SNX7: variants seen among roughly 807,000 people sequenced by gnomAD.
SNX7 encodes sorting nexin 7.
Under a neutral mutation model 48.4 loss-of-function variants are expected in SNX7, and 35 were observed. The observed-to-expected ratio is 0.72, with a 90% confidence interval of 0.55 to 0.96. SNX7 has a LOEUF of 0.96. Among genes scored for constraint, SNX7 ranks in the 40% least tolerant of loss-of-function variants. SNX7 has a pLI of 0.00. For missense variants in SNX7, 553 were observed against 548.9 expected (o/e 1.01, Z -0.07); for synonymous variants, 190 against 190.2 (o/e 1.00, Z 0.01).
At chr1:98,741,747 T>C (rs1413694443) in intron 8 of SNX7, among the ~76,000 whole-genome samples, 1 of 152,064 alleles carries the variant, frequency 6.6e-6, no homozygotes, top group Non-Finnish European at 1.5e-5. Flanking sequence ...GCATGGATAT[T>C]TCCTAACTTT....
At chr1:98,745,306 A>C (rs1654259929) in intron 8 of SNX7, among the ~76,000 whole-genome samples, 1 of 152,024 alleles carries the variant, frequency 6.6e-6, no homozygotes, top group Admixed American at 6.6e-5. Flanking sequence ...TTTAAAGTTA[A>C]ATTCTCTTTC....
intron 8 of SNX7, among the ~76,000 whole-genome samples, chr1:98,739,179 C>T (rs1653944343): frequency 6.6e-6 from 1 of 152,026 alleles, no homozygotes; most frequent in South Asian, 2.1e-4. Flanking sequence ...ATGCGCAGTT[C>T]ACAATAGCGT....
At chr1:98,685,777 A>G (rs1039363580) in intron 2 of SNX7, among the ~76,000 whole-genome samples, 3 of 152,122 alleles carry the variant, frequency 2.0e-5, no homozygotes, top group African/African-American at 7.2e-5. Context: ...GTTCTGAACT[A>G]TGTTTCTATA....
chr1:98,720,511 C>T (rs1048169055), intron 7 of SNX7, among the ~76,000 whole-genome samples: 9 of 152,010 alleles, frequency 5.9e-5, no homozygotes, highest in Admixed American at 3.3e-4. Context: ...TTTGAGTGAA[C>T]CCCTAATTTT....
intron 1 of SNX7, among the ~76,000 whole-genome samples, chr1:98,666,129 A>T (rs577964542): frequency 6.6e-6 from 1 of 152,192 alleles, no homozygotes; most frequent in Non-Finnish European, 1.5e-5. Flanking sequence ...TTGTGTGCCT[A>T]TATCAGTCAT....
intron 7 of SNX7, among the ~76,000 whole-genome samples, chr1:98,711,388 G>A (rs1212649880): frequency 6.6e-6 from 1 of 152,032 alleles, no homozygotes; most frequent in African/African-American, 2.4e-5. Flanking sequence ...AGCACATTTG[G>A]ATATATTAAA....
At chr1:98,678,884 A>G (rs1650320676) in intron 1 of SNX7, among the ~76,000 whole-genome samples, 1 of 152,216 alleles carries the variant, frequency 6.6e-6, no homozygotes. Context: ...AAAATAAAAA[A>G]TAGCAGTATA....
At chr1:98,667,481 A>G (rs761968941) in intron 1 of SNX7, among the ~76,000 whole-genome samples, 1 of 151,964 alleles carries the variant, frequency 6.6e-6, no homozygotes, top group Non-Finnish European at 1.5e-5. Context: ...GGCTCAAGCT[A>G]TCCTCCTACC....
chr1:98,672,092 T>A (rs1187585674), intron 1 of SNX7, among the ~76,000 whole-genome samples: 1 of 152,178 alleles, frequency 6.6e-6, no homozygotes, highest in Non-Finnish European at 1.5e-5. Flanking sequence ...AATTGAACAC[T>A]GAATACTCTC....
At chr1:98,687,182 AT>A (rs1468908745) in intron 2 of SNX7, among the ~76,000 whole-genome samples, 1 of 152,140 alleles carries the variant, frequency 6.6e-6, no homozygotes, top group Non-Finnish European at 1.5e-5. Context: ...ATTTACCCCC[AT>A]TTCATGCACG....
intron 8 of SNX7, among the ~76,000 whole-genome samples, chr1:98,741,524 G>A (rs1430225899): frequency 1.3e-5 from 2 of 152,128 alleles, no homozygotes; most frequent in African/African-American, 2.4e-5. Flanking sequence ...GTAAAATGAT[G>A]TTGTTCCCAT....
Position 98,691,935 on chromosome 1 carries a change from ACACTCTCT to A in SNX7, c.639+238_639+245del, listed in dbSNP as rs1219244601. Among the ~76,000 whole-genome samples, 200 of 87,378 alleles carry A rather than the reference ACACTCTCT, an allele frequency of 2.3e-3. 1 individual carries two copies. The highest frequency in any genetic ancestry group is 8.8e-3 in the African/African-American group (190 of 21,572). 57.3% of individuals were successfully genotyped at this position (87,378 alleles called of 152,430 possible). A position where few individuals can be genotyped will look rare whatever the true frequency, so the allele number is the denominator to read the frequency against. On this transcript the variant is annotated intron_variant, in intron 4 of 8. Transcript: ENST00000306121. ...TATATACACACACACACACACACAC[ACACTCTCT>A]CTCTCTCTCTCTCTCTCTCTCTCTA...
chr1:98,691,347 TTA>T (rs1491121098), intron 3 of SNX7, among the ~76,000 whole-genome samples, 162 bp downstream of exon 3: 3 of 152,008 alleles, frequency 2.0e-5, no homozygotes, highest in South Asian at 2.1e-4. Flanking sequence ...CATTTTTTTT[TTA>T]AAAAAAACTC....
chr1:98,758,284 T>C (rs1302226168), intron 8 of SNX7, among the ~76,000 whole-genome samples: 2 of 152,056 alleles, frequency 1.3e-5, no homozygotes, highest in Non-Finnish European at 2.9e-5. Context: ...GACATTTGGA[T>C]ACACTTAAAG....
At chr1:98,734,014 A>C (rs180928164) in intron 7 of SNX7, among the ~76,000 whole-genome samples, 1 of 152,104 alleles carries the variant, frequency 6.6e-6, no homozygotes, top group Non-Finnish European at 1.5e-5. Context: ...AGTCTCTAAT[A>C]TGCATTTGCA....
intron 7 of SNX7, among the ~76,000 whole-genome samples, chr1:98,728,708 A>C (rs1175365389): frequency 1.3e-5 from 2 of 152,160 alleles, no homozygotes; most frequent in Non-Finnish European, 1.5e-5. Context: ...AGGGTATTAC[A>C]TAATGGTAAA....
rs1317466865 is a variant in SNX7, at chr1:98,711,806, T to C, written c.1125+9903T>C. On this transcript the variant is annotated intron_variant, in intron 7 of 8. Transcript: ENST00000306121. The stretch of plus-strand genomic sequence containing the variant: ...TTTCACCAGTGAATTCCCCGTAGCA[T>C]GCAATGTTGTTTGATAGCATTTTAC... 3.3e-5 allele frequency among the ~76,000 whole-genome samples: 5 copies of C among 152,310 alleles called. No individual in the cohort carries two copies. The East Asian group carries it at 5.8e-4, about 18-fold the overall frequency.
At chr1:98,742,285 A>T (rs1328136198) in intron 8 of SNX7, among the ~76,000 whole-genome samples, 1 of 152,110 alleles carries the variant, frequency 6.6e-6, no homozygotes, top group Non-Finnish European at 1.5e-5. Flanking sequence ...AAAGGTGTCT[A>T]TGGCACATAG....
intron 7 of SNX7, 26 bp from the exon 8 acceptor site, chr1:98,738,211 G>A (rs1653888680): frequency 1.2e-6 from 2 of 1,606,530 alleles, no homozygotes; most frequent in Non-Finnish European, 1.7e-6. Flanking sequence ...ATAGATCAAT[G>A]TATCTCTCTT....
Sources: allele counts gnomAD v4.1 joint callset (sites outside exome capture counted in the v4.1 genomes callset), GRCh38; gene constraint gnomAD v4.1.1; transcripts MANE v1.5; gene names NCBI Gene and HGNC (gene_info 2026-07-23, HGNC 2026-07-21).